Variants in USH2A observed in about 807,000 individuals in gnomAD.
USH2A encodes the protein usherin, also known as Usher syndrome 2A (autosomal recessive, mild).
USH2A carries 443 observed loss-of-function variants against 538.9 expected under a neutral mutation model. That is an observed-to-expected ratio of 0.82 (90% CI 0.76 to 0.89). The LOEUF (loss-of-function observed/expected upper bound fraction) is 0.89, where lower values mean the gene tolerates loss of function less well. Ranked by LOEUF, USH2A falls within the 40% of genes least tolerant of loss-of-function variation. The pLI is 0.00. For missense variants in USH2A, 6,633 were observed against 6,324.8 expected (o/e 1.05, Z -1.65); for synonymous variants, 2,413 against 2,273.5 (o/e 1.06, Z -1.75).
At chr1:215,644,734 C>T (rs887281765) in intron 67 of USH2A, among the ~76,000 whole-genome samples, 1 of 152,118 alleles carries the variant, frequency 6.6e-6, no homozygotes, top group African/African-American at 2.4e-5. Context: ...CAAAGGCAAA[C>T]TTAGAAAGGG....
intron 21 of USH2A, among the ~76,000 whole-genome samples, chr1:216,124,056 G>A (rs1400135618): frequency 6.6e-6 from 1 of 152,096 alleles, no homozygotes; most frequent in Non-Finnish European, 1.5e-5. Context: ...ATCAATCAGA[G>A]GAGTTCTGCA....
At chr1:216,285,186 C>A (rs1389367236) in intron 11 of USH2A, among the ~76,000 whole-genome samples, 1 of 152,168 alleles carries the variant, frequency 6.6e-6, no homozygotes, top group Non-Finnish European at 1.5e-5. Flanking sequence ...ATCACCCCTC[C>A]CATCACAGGC....
At chr1:215,998,688 A>G (rs1668192301) in intron 34 of USH2A, among the ~76,000 whole-genome samples, 199 bp downstream of exon 34, 1 of 152,084 alleles carries the variant, frequency 6.6e-6, no homozygotes, top group South Asian at 2.1e-4. Flanking sequence ...TATCATTTGC[A>G]TAATATAAAA....
At chr1:215,875,541 T>G (rs942672335) in intron 43 of USH2A, among the ~76,000 whole-genome samples, 6 of 152,138 alleles carry the variant, frequency 3.9e-5, no homozygotes, top group Admixed American at 6.6e-5. Context: ...AGATTTGAAC[T>G]TCTCATTAAG....
intron 61 of USH2A, among the ~76,000 whole-genome samples, chr1:215,688,921 G>A (rs1184363097): frequency 6.6e-6 from 1 of 152,060 alleles, no homozygotes; most frequent in Admixed American, 6.6e-5. Flanking sequence ...CTGAAGGCCA[G>A]GAAGGGGTAA....
rs2102625336 is a variant in USH2A at position 215,628,979 on chromosome 1, G to A, written c.15354C>T (p.Asn5118=). 6.2e-7 allele frequency: 1 copy of A among 1,613,940 alleles called. No homozygotes were observed. The highest frequency in any genetic ancestry group is 8.5e-7 in the Non-Finnish European group (1 of 1,180,050). Residue 5118 remains asparagine (N), a synonymous_variant, in exon 71 of 72, where the codon AAC becomes AAT. Coordinates refer to ENST00000307340, the MANE Select transcript of USH2A (RefSeq NM_206933.4). ...GGATGCGCAGGACACATGCACTCCG[G>A]TTGCTGCGGATACTCACAGGTGTCC... is the stretch of plus-strand genomic sequence containing the variant. ...RSGTPVSIRS[N]RSACVLRIPS...
intron 65 of USH2A, 145 bp from the exon 66 acceptor site, chr1:215,648,911 T>C (rs1656952684): frequency 6.0e-6 from 5 of 831,170 alleles, no homozygotes; most frequent in Non-Finnish European, 1.0e-5. Context: ...ATGACATTTA[T>C]CCTCAAAAAA....
At chr1:216,266,394 A>T (rs2036473850) in intron 11 of USH2A, among the ~76,000 whole-genome samples, 1 of 152,174 alleles carries the variant, frequency 6.6e-6, no homozygotes, top group Non-Finnish European at 1.5e-5. Flanking sequence ...AGTAAACTAA[A>T]AAGCTAAGAA....
chr1:215,709,645 T>TAAAAAAAAAAA (rs5780846), intron 61 of USH2A, among the ~76,000 whole-genome samples: 1 of 127,036 alleles, frequency 7.9e-6, no homozygotes, highest in Admixed American at 7.9e-5. Context: ...AGATAATTTG[T>TAAAAAAAAAAA]AAAAAAAAAA....
intron 11 of USH2A, among the ~76,000 whole-genome samples, chr1:216,260,046 T>C (rs967976209): frequency 2.6e-5 from 4 of 152,066 alleles, no homozygotes; most frequent in African/African-American, 9.7e-5. Context: ...TAGTAAGAGA[T>C]GAAAACAATT....
At chr1:216,346,902 G>C (rs986029710) in intron 4 of USH2A, among the ~76,000 whole-genome samples, 1 of 151,852 alleles carries the variant, frequency 6.6e-6, no homozygotes, top group East Asian at 1.9e-4. Flanking sequence ...AAAGAGCTTT[G>C]ATTAATCGGT....
At chr1:215,931,481 T>C (rs1175505578) in intron 38 of USH2A, among the ~76,000 whole-genome samples, 2 of 151,970 alleles carry the variant, frequency 1.3e-5, no homozygotes, top group East Asian at 1.9e-4. Context: ...AACTTGAGAA[T>C]ATTTCTCACC....
chr1:215,935,831 G>C (rs1158715331), intron 37 of USH2A, among the ~76,000 whole-genome samples: 1 of 151,764 alleles, frequency 6.6e-6, no homozygotes, highest in Non-Finnish European at 1.5e-5. Flanking sequence ...ATGATTAAGA[G>C]TACCACCCAG....
chr1:216,305,868 C>T (rs1217643478), intron 9 of USH2A, among the ~76,000 whole-genome samples: 1 of 152,138 alleles, frequency 6.6e-6, no homozygotes. Context: ...AGGGTTTCTG[C>T]TGAGAAATCT....
chr1:215,674,423 A>G lies in USH2A; in HGVS notation c.13488T>C (p.Asp4496=), dbSNP rs752412902. 1 of 1,614,106 alleles carries G rather than the reference A, an allele frequency of 6.2e-7. No individual in the cohort carries two copies. Among genetic ancestry groups the G allele is most frequent in the Non-Finnish European group, 8.5e-7 (1 of 1,180,006 alleles). Reference sequence around the variant, plus strand: ...ACTCCACACCTGGGGTGAGAGTAAAATCACGATAGCGTGTTTCCAAGCCTG... The same window carrying G: ...ACTCCACACCTGGGGTGAGAGTAAAGTCACGATAGCGTGTTTCCAAGCCTG... ...VYTGLETRYR[D]FTLTPGVEYS... The change falls in exon 63 of 72, where the codon GAT becomes GAC. Residue 4496 remains aspartate, a synonymous_variant. Coordinates refer to ENST00000307340, the MANE Select transcript of USH2A (RefSeq NM_206933.4).
intron 67 of USH2A, among the ~76,000 whole-genome samples, chr1:215,642,395 A>G (rs1305044370): frequency 6.6e-6 from 1 of 152,192 alleles, no homozygotes; most frequent in East Asian, 1.9e-4. Context: ...AATAAGGCCC[A>G]TGCTACTTTG....
At chr1:215,978,059 C>T (rs1282155047) in intron 35 of USH2A, among the ~76,000 whole-genome samples, 1 of 152,044 alleles carries the variant, frequency 6.6e-6, no homozygotes, top group Non-Finnish European at 1.5e-5. Flanking sequence ...CCCAGGAGGT[C>T]GAGGCTGCAG....
chr1:216,244,260 A>G (rs753477231), intron 13 of USH2A, among the ~76,000 whole-genome samples: 3 of 152,146 alleles, frequency 2.0e-5, no homozygotes, highest in Admixed American at 6.5e-5. Context: ...GCTCCAGTGA[A>G]GTGGCTGCAG....
intron 11 of USH2A, among the ~76,000 whole-genome samples, chr1:216,280,354 T>A (rs1188469889): frequency 6.6e-6 from 1 of 151,710 alleles, no homozygotes; most frequent in East Asian, 1.9e-4. Context: ...CCCTTTTGGA[T>A]CTGATGAAAG....
Sources: gnomAD v4.1 joint callset for allele counts (sites outside exome capture counted in the v4.1 genomes callset) on GRCh38, gnomAD v4.1.1 for gene constraint, MANE v1.5 for transcripts, NCBI Gene and HGNC (gene_info 2026-07-23, HGNC 2026-07-21) for gene names.